Variants in GSN observed in about 807,000 individuals in gnomAD.
GSN encodes actin-depolymerizing factor.
A neutral mutation model predicts 85.7 loss-of-function variants in GSN; 56 were observed. The observed-to-expected ratio is 0.65, with a 90% CI of 0.53 to 0.82. The LOEUF is 0.82. GSN is among the 40% of genes least tolerant of loss of function. GSN has a pLI of 0.00. For missense variants in GSN, 857 were observed against 979.8 expected, an observed-to-expected ratio of 0.87 and a Z score of 1.67; for synonymous variants, 373 against 399.1, an observed-to-expected ratio of 0.93 and a Z score of 0.78.
At chr9:121,250,291 G>A (rs1441565503) in intron 6 of GSN, among the ~76,000 whole-genome samples, 2 of 140,044 alleles carry the variant, frequency 1.4e-5, no homozygotes, top group Admixed American at 1.5e-4. Flanking sequence ...TGCAACCTCC[G>A]CCTCCTGGGT....
At chr9:121,247,072 A>T (rs2054714343) in intron 5 of GSN, among the ~76,000 whole-genome samples, 1 of 152,168 alleles carries the variant, frequency 6.6e-6, no homozygotes, top group Non-Finnish European at 1.5e-5. Flanking sequence ...AATGGGTGCA[A>T]AAATTGCTGA....
Position 121,329,321 on chromosome 9 carries a change from T to G in GSN, c.1965+6T>G. The stretch of plus-strand genomic sequence containing the variant: ...TTCTGGACACCTGGGACCAGGTGGG[T>G]GAAGGACAGGTGAAGGCTCTCTGTG... On this transcript the variant is annotated splice_donor_region_variant and intron_variant, in intron 16 of 17. Transcript: ENST00000432226. This position sits in a 1 kb window ranked among gnomAD's most constrained non-coding sequence, Gnocchi z 4.6. 6.4e-7 allele frequency: 1 copy of G among 1,556,244 alleles called. No individual in the cohort carries two copies. The highest frequency in any genetic ancestry group is 8.9e-7 in the Non-Finnish European group (1 of 1,127,236).
intron 5 of GSN, chr9:121,238,613 C>T (rs2132184471): frequency 4.0e-6 from 1 of 248,162 alleles, no homozygotes; most frequent in Middle Eastern, 1.4e-3. Flanking sequence ...ATAAATTCCC[C>T]TTTATGTAGA....
In GSN at chr9:121,305,423, AC is replaced by A. The variant is rs149663195; in HGVS notation, c.351+2359del. On this transcript the variant is annotated intron_variant, in intron 4 of 17. Transcript: ENST00000432226. Reference sequence around the variant, plus strand: ...TACTCATTTAACTCATTTTACCCTAACAGGTAGGGTATCTGTTAGCACCATT... The same window carrying A: ...TACTCATTTAACTCATTTTACCCTAAAGGTAGGGTATCTGTTAGCACCATT... 3.7e-3 allele frequency among the ~76,000 whole-genome samples: 570 copies of A among 152,294 alleles called. 2 individuals carry two copies. Among genetic ancestry groups the A allele is most frequent in the African/African-American group, 0.013 (522 of 41,576 alleles).
chr9:121,201,824 A>C, the GSN span: 1 of 152,336 alleles, frequency 6.6e-6, no homozygotes, highest in Admixed American at 6.5e-5. Flanking sequence ...GGCAGCGGTG[A>C]CTGCTCCTGT....
chr9:121,228,431 T>A (rs867977298), intron 4 of GSN, among the ~76,000 whole-genome samples: 5,769 of 77,714 alleles, frequency 0.074, 196 homozygotes, highest in African/African-American at 0.12. Flanking sequence ...TATATTTTTT[T>A]TTTTTTTTTT....
chr9:121,309,249 G>C (rs1000585587), intron 4 of GSN: 2 of 152,312 alleles, frequency 1.3e-5, no homozygotes, highest in African/African-American at 4.8e-5. Flanking sequence ...GCTGGGGACT[G>C]CTCACAGGAA....
At chr9:121,290,881 T>G (rs1445135210) in intron 2 of GSN, among the ~76,000 whole-genome samples, 1 of 152,088 alleles carries the variant, frequency 6.6e-6, no homozygotes, top group Non-Finnish European at 1.5e-5. Context: ...CTCACGACAT[T>G]GTCCAGGTTG....
intron 2 of GSN, among the ~76,000 whole-genome samples, chr9:121,292,868 G>A (rs1367339883): frequency 1.3e-5 from 2 of 152,172 alleles, no homozygotes; most frequent in Non-Finnish European, 2.9e-5. Context: ...TCCCTGCAGA[G>A]TGCCTTTGCG....
At chr9:121,279,442 G>A (rs2057072459) in intron 1 of GSN, among the ~76,000 whole-genome samples, 1 of 152,060 alleles carries the variant, frequency 6.6e-6, no homozygotes, top group Non-Finnish European at 1.5e-5. Context: ...GGCAAGAGGT[G>A]ATGGGGCTAT....
intron 1 of GSN, among the ~76,000 whole-genome samples, chr9:121,208,507 G>C (rs2053919580): frequency 6.6e-6 from 1 of 152,200 alleles, no homozygotes; most frequent in South Asian, 2.1e-4. Flanking sequence ...CTTGAAGGCA[G>C]CAAGATGTAA....
chr9:121,299,802 C>T lies in GSN; in HGVS notation c.-9-2161C>T. 7.8e-7 allele frequency: 1 copy of T among 1,278,406 alleles called. No homozygotes were observed. Among genetic ancestry groups the T allele is most frequent in the Non-Finnish European group, 9.9e-7 (1 of 1,005,634 alleles). The allele number at this position is 1,278,406 out of a possible 1,614,324, so 79.2% of individuals were successfully genotyped here. A position where few individuals can be genotyped will look rare whatever the true frequency, so the allele number is the denominator to read the frequency against. On this transcript the variant is annotated intron_variant, in intron 2 of 17. Transcript: ENST00000432226. The surrounding 1 kb of genome is among the most constrained non-coding windows in gnomAD (Gnocchi z 4.2). Reference sequence around the variant, plus strand: ...CTTGGGCGGGATGGGCGGGCGGCTACTTAAGGTCGGCGACCCGAGGCCGCG... The same window carrying T: ...CTTGGGCGGGATGGGCGGGCGGCTATTTAAGGTCGGCGACCCGAGGCCGCG...
At chr9:121,271,819 G>C (rs906202840) in intron 1 of GSN, among the ~76,000 whole-genome samples, 1 of 152,170 alleles carries the variant, frequency 6.6e-6, no homozygotes, top group African/African-American at 2.4e-5. Context: ...GGGAATCCAG[G>C]CTCCAAAAGG....
intron 4 of GSN, among the ~76,000 whole-genome samples, chr9:121,304,825 C>T (rs111674218): frequency 2.6e-5 from 4 of 152,088 alleles, no homozygotes; most frequent in African/African-American, 9.7e-5. Context: ...TCTGCCAGGC[C>T]CTGTGATGGG....
intron 11 of GSN, among the ~76,000 whole-genome samples, chr9:121,321,830 C>T (rs1344745639): frequency 1.3e-5 from 2 of 152,094 alleles, no homozygotes; most frequent in Non-Finnish European, 2.9e-5. Flanking sequence ...CAACCTCTGC[C>T]TCCCAAGTTC....
intron 4 of GSN, among the ~76,000 whole-genome samples, chr9:121,303,337 C>G (rs2060093445): frequency 1.3e-5 from 2 of 152,174 alleles, no homozygotes; most frequent in South Asian, 4.1e-4. Flanking sequence ...CTTCCTAGCC[C>G]CAACAGTGAG....
chr9:121,232,916 A>G (rs577460964), intron 5 of GSN, among the ~76,000 whole-genome samples: 9 of 152,278 alleles, frequency 5.9e-5, no homozygotes, highest in African/African-American at 2.2e-4. Context: ...ATTCAGAGGA[A>G]CCATTGTTGA....
At chr9:121,310,941 G>A in intron 5 of GSN, 96 bp downstream of exon 5, 1 of 1,143,558 alleles carries the variant, frequency 8.7e-7, no homozygotes, top group South Asian at 1.3e-5. Context: ...CATAGATGCA[G>A]GTGGGCAAAC....
At chr9:121,324,280 G>A (rs2062871399) in intron 11 of GSN, among the ~76,000 whole-genome samples, 1 of 152,212 alleles carries the variant, frequency 6.6e-6, no homozygotes, top group Non-Finnish European at 1.5e-5. Flanking sequence ...TGGCTGTTCA[G>A]CATGGGATGA....
Sources: allele counts gnomAD v4.1 joint callset (sites outside exome capture counted in the v4.1 genomes callset), GRCh38; gene constraint gnomAD v4.1.1; non-coding constraint Gnocchi (gnomAD v3.1); transcripts MANE v1.5; gene names NCBI Gene and HGNC (gene_info 2026-07-23, HGNC 2026-07-21).